The following SNTB1 variants were observed in gnomAD, a reference collection of about 807,000 sequenced individuals.
SNTB1 encodes the protein beta-1-syntrophin.
SNTB1 carries 36 observed loss-of-function variants against 48.9 expected under a neutral mutation model. The ratio of observed to expected loss-of-function variants is 0.74; its 90% confidence interval spans 0.56 to 0.97. The LOEUF (loss-of-function observed/expected upper bound fraction) is 0.97. SNTB1 is among the 50% of genes least tolerant of loss of function. The pLI is 0.00. For synonymous variants in SNTB1, 299 were observed against 294.6 expected (o/e 1.01, Z -0.15); for missense variants, 786 against 703.4 (o/e 1.12, Z -1.33).
chr8:120,652,314 C>A (rs751907202), intron 2 of SNTB1, among the ~76,000 whole-genome samples: 1 of 152,066 alleles, frequency 6.6e-6, no homozygotes, highest in Non-Finnish European at 1.5e-5. Flanking sequence ...CAATTTGGAC[C>A]AAAGAGATCC....
intron 1 of SNTB1, among the ~76,000 whole-genome samples, chr8:120,774,067 T>C (rs983543291): frequency 6.6e-6 from 1 of 152,226 alleles, no homozygotes; most frequent in African/African-American, 2.4e-5. Flanking sequence ...GGTTCTTAAG[T>C]TTTGTTTGTG....
intron 1 of SNTB1, among the ~76,000 whole-genome samples, chr8:120,795,107 AATACTT>A (rs2130164090): frequency 6.6e-6 from 1 of 152,202 alleles, no homozygotes; most frequent in East Asian, 1.9e-4. Context: ...ATATTTGGGA[AATACTT>A]ATACATTTAA....
At chr8:120,807,258 T>C (rs1820349666) in intron 1 of SNTB1, among the ~76,000 whole-genome samples, 1 of 152,218 alleles carries the variant, frequency 6.6e-6, no homozygotes, top group African/African-American at 2.4e-5. Flanking sequence ...CAAATTACTA[T>C]TTTACTATCA....
intron 2 of SNTB1, among the ~76,000 whole-genome samples, chr8:120,660,607 T>A (rs1224013293): frequency 6.6e-6 from 1 of 152,216 alleles, no homozygotes; most frequent in East Asian, 1.9e-4. Context: ...TGCTTTCTTA[T>A]CATTTGCATT....
At chr8:120,793,850 T>C (rs1820079034) in intron 1 of SNTB1, among the ~76,000 whole-genome samples, 1 of 152,184 alleles carries the variant, frequency 6.6e-6, no homozygotes, top group Middle Eastern at 3.4e-3. Context: ...TATTAAGAGT[T>C]TTTGAAATGT....
At chr8:120,540,243 C>T (rs964125166) in intron 6 of SNTB1, among the ~76,000 whole-genome samples, 6 of 152,110 alleles carry the variant, frequency 3.9e-5, no homozygotes, top group African/African-American at 1.4e-4. Flanking sequence ...TGGTCCCTTC[C>T]CCCTCCACAC....
intron 1 of SNTB1, among the ~76,000 whole-genome samples, chr8:120,764,011 A>G (rs1041391969): frequency 1.3e-5 from 2 of 152,340 alleles, no homozygotes; most frequent in East Asian, 1.9e-4. Flanking sequence ...ATACTTATGG[A>G]GAGTAATTTG....
At chr8:120,656,348 G>C (rs887220461) in intron 2 of SNTB1, among the ~76,000 whole-genome samples, 1 of 152,174 alleles carries the variant, frequency 6.6e-6, no homozygotes, top group Admixed American at 6.5e-5. Flanking sequence ...GTGTTGGCTA[G>C]ATTTCAGTTT....
intron 5 of SNTB1, among the ~76,000 whole-genome samples, chr8:120,546,858 A>G (rs1038089840): frequency 6.6e-6 from 1 of 152,186 alleles, no homozygotes; most frequent in Non-Finnish European, 1.5e-5. Context: ...GTCTATCATC[A>G]TTTCTCTCTG....
At position 120,537,382 on chromosome 8, in the gene SNTB1, A is replaced by G. The variant is rs1355582882; in HGVS notation, c.*1495T>C. 6.6e-6 allele frequency: 1 copy of G among 152,208 alleles called. No individual in the cohort carries two copies. Among genetic ancestry groups the G allele is most frequent in the Non-Finnish European group, 1.5e-5 (1 of 68,032 alleles). The allele number at this position is 152,208 out of a possible 1,614,324, so 9.4% of individuals were successfully genotyped here. A position where few individuals can be genotyped will look rare whatever the true frequency, so the allele number is the denominator to read the frequency against. On this transcript the variant is annotated 3_prime_UTR_variant, in exon 7 of 7. Coordinates refer to ENST00000517992, the MANE Select transcript of SNTB1 (RefSeq NM_021021.4). ...CCCCCCAGCAAAACACCACTCAGTCAAGCCCCTTGGAACTAGCGTCATATG... is the reference window on the plus strand; with the variant it reads ...CCCCCCAGCAAAACACCACTCAGTCGAGCCCCTTGGAACTAGCGTCATATG...
chr8:120,571,404 G>C (rs1480920174), intron 4 of SNTB1: 2 of 1,146,094 alleles, frequency 1.7e-6, no homozygotes, highest in African/African-American at 1.6e-5. Context: ...CGATTGGGCC[G>C]AATTCTCATG....
chr8:120,774,090 C>T (rs1002368472), intron 1 of SNTB1, among the ~76,000 whole-genome samples: 1 of 152,202 alleles, frequency 6.6e-6, no homozygotes, highest in African/African-American at 2.4e-5. Context: ...ACTCCAAAGC[C>T]GATGTTCCTT....
chr8:120,650,490 C>A (rs1817395435), intron 2 of SNTB1, among the ~76,000 whole-genome samples: 1 of 152,038 alleles, frequency 6.6e-6, no homozygotes, highest in Admixed American at 6.6e-5. Context: ...CCCAACAAAA[C>A]CCAAAGGGAG....
intron 2 of SNTB1, among the ~76,000 whole-genome samples, chr8:120,676,642 G>T (rs568772123): frequency 5.6e-4 from 85 of 152,126 alleles, no homozygotes; most frequent in Non-Finnish European, 1.0e-3. Context: ...AGCTCAAAAT[G>T]GTGTACTTCT....
intron 1 of SNTB1, among the ~76,000 whole-genome samples, chr8:120,736,450 C>G (rs746950333): frequency 2.6e-5 from 4 of 152,080 alleles, no homozygotes; most frequent in Non-Finnish European, 5.9e-5. Flanking sequence ...GCAAGGAGGC[C>G]AAAAAGAATA....
chr8:120,763,744 T>A (rs1587142068), intron 1 of SNTB1, among the ~76,000 whole-genome samples: 1 of 145,196 alleles, frequency 6.9e-6, no homozygotes. Context: ...TAAATAGAAA[T>A]TTTTTTTAGC....
At chr8:120,719,691 T>C (rs1818623523) in intron 1 of SNTB1, among the ~76,000 whole-genome samples, 2 of 152,026 alleles carry the variant, frequency 1.3e-5, no homozygotes, top group Non-Finnish European at 2.9e-5. Context: ...AGGACTTGAG[T>C]GCAGGTGGTT....
intron 1 of SNTB1, among the ~76,000 whole-genome samples, chr8:120,788,398 T>A (rs961851238): frequency 2.6e-5 from 4 of 152,126 alleles, no homozygotes; most frequent in African/African-American, 9.6e-5. Context: ...ATATTAATGT[T>A]GAATGTAAAT....
chr8:120,693,956 TTCTGGGAAG>T, intron 1 of SNTB1, 48 bp from the exon 2 acceptor site: 1 of 1,419,256 alleles, frequency 7.0e-7, no homozygotes, highest in Non-Finnish European at 1.0e-6. Flanking sequence ...ACGGCTGAAT[TTCTGGGAAG>T]TCTGATTGTG....
Sources: allele counts gnomAD v4.1 joint callset (sites outside exome capture counted in the v4.1 genomes callset), GRCh38; gene constraint gnomAD v4.1.1; transcripts MANE v1.5; gene names NCBI Gene and HGNC (gene_info 2026-07-23, HGNC 2026-07-21).